TP53BP2: variants seen among roughly 807,000 people sequenced by gnomAD.
TP53BP2 encodes the protein apoptosis-stimulating of p53 protein 2.
A neutral mutation model predicts 126.2 loss-of-function variants in TP53BP2; 62 were observed. The ratio of observed to expected loss-of-function variants is 0.49; its 90% CI spans 0.40 to 0.61. The LOEUF (loss-of-function observed/expected upper bound fraction) is 0.61, where lower values mean the gene tolerates loss of function less well. TP53BP2 is among the 20% of genes least tolerant of loss of function. The pLI is 0.00. For missense variants in TP53BP2, 1,215 were observed against 1,402.8 expected (o/e 0.87, Z 2.14); for synonymous variants, 485 against 502.9 (o/e 0.96, Z 0.48).
intron 14 of TP53BP2, among the ~76,000 whole-genome samples, chr1:223,792,757 AG>A (rs1026515226): frequency 5.9e-5 from 9 of 152,154 alleles, no homozygotes; most frequent in Non-Finnish European, 1.0e-4. Flanking sequence ...TTTTAAAAAA[AG>A]GAAGTACCAG....
chr1:223,816,406 A>AT (rs1007853530), intron 2 of TP53BP2, among the ~76,000 whole-genome samples: 6 of 150,956 alleles, frequency 4.0e-5, no homozygotes, highest in South Asian at 2.1e-4. Flanking sequence ...TGGAATAAGA[A>AT]TTTTTTTTTT....
chr1:223,819,710 G>A (rs938904825), intron 2 of TP53BP2, among the ~76,000 whole-genome samples: 2 of 151,980 alleles, frequency 1.3e-5, no homozygotes, highest in African/African-American at 4.8e-5. Flanking sequence ...GAAAACTGAG[G>A]AAGCACACAA....
In TP53BP2 at chr1:223,798,426, C is replaced by T; in HGVS notation, c.1737G>A (p.Lys579=). 1 of 1,614,160 alleles carries T rather than the reference C, an allele frequency of 6.2e-7. No individual in the cohort carries two copies. Among genetic ancestry groups the T allele is most frequent in the Non-Finnish European group, 8.5e-7 (1 of 1,180,026 alleles). The change falls in exon 12 of 18, where the codon AAG becomes AAA. Residue 579 remains lysine, a synonymous_variant. Coordinates refer to ENST00000343537, the MANE Select transcript of TP53BP2 (RefSeq NM_001031685.3). ...CGGCAGCAGCAGGTGGACTTTCTTGCTTAGAACCTGGAGAAAGGGTCTGGT... is the reference window on the plus strand; with the variant it reads ...CGGCAGCAGCAGGTGGACTTTCTTGTTTAGAACCTGGAGAAAGGGTCTGGT... ...GQDQTLSPGS[K]QESPPAAAVR... is the part of the protein sequence containing the mutation.
At position 223,803,276 on chromosome 1, in the gene TP53BP2, G is replaced by C; in HGVS notation, c.826C>G (p.Leu276Val). The change falls in exon 7 of 18, where the codon CTG becomes GTG. Residue 276 changes from leucine to valine, a missense_variant. Physicochemically the swap from Leu to Val is conservative, Grantham distance 32. Transcript: ENST00000343537. The part of the protein sequence containing the change: ...VAELDRLYKE[L>V]QLRNKLNQEQ... ...GGCAAACAGCTACGGTCTACCTGCA[G>C]CTCCTTATAGAGGCGATCAAGCTCA... is the stretch of plus-strand genomic sequence containing the variant. 2.5e-6 allele frequency: 4 copies of C among 1,609,086 alleles called. No homozygotes were observed. Among genetic ancestry groups the C allele is most frequent in the Non-Finnish European group, 3.4e-6 (4 of 1,178,476 alleles).
At chr1:223,835,009 ACT>A (rs919544763) in intron 1 of TP53BP2, among the ~76,000 whole-genome samples, 3 of 151,970 alleles carry the variant, frequency 2.0e-5, no homozygotes, top group African/African-American at 2.4e-5. Context: ...TCCCCAAAAA[ACT>A]CTGTCAGATC....
Position 223,806,766 on chromosome 1 carries a change from G to C in TP53BP2, c.474+80C>G, listed in dbSNP as rs1289735807. On this transcript the variant is annotated intron_variant, in intron 5 of 17. Coordinates refer to ENST00000343537, the MANE Select transcript of TP53BP2 (RefSeq NM_001031685.3). ...TTGAACTCAGGAGGCGGAGGTTGCA[G>C]TGAGCCAAGATCGTGCCACTGCACT... The C allele has an allele frequency of 8.6e-5, 95 of 1,104,768 alleles. 1 individual carries two copies. Among genetic ancestry groups the C allele is most frequent in the Non-Finnish European group, 1.2e-4 (92 of 745,688 alleles). 68.4% of individuals were successfully genotyped at this position (1,104,768 alleles called of 1,614,324 possible).
intron 16 of TP53BP2, among the ~76,000 whole-genome samples, chr1:223,785,759 C>T (rs898024394): frequency 2.0e-5 from 3 of 152,152 alleles, no homozygotes; most frequent in African/African-American, 7.2e-5. Context: ...TTGTAGATTA[C>T]TTTTTAAAAA....
intron 2 of TP53BP2, among the ~76,000 whole-genome samples, chr1:223,818,981 C>T (rs1326466443): frequency 2.7e-5 from 4 of 150,832 alleles, no homozygotes; most frequent in African/African-American, 4.9e-5. Context: ...ATAGGGAGTT[C>T]GAGACCAGCC....
At chr1:223,804,053 G>A in intron 6 of TP53BP2, 121 bp downstream of exon 6, 1 of 1,006,036 alleles carries the variant, frequency 9.9e-7, no homozygotes, top group Non-Finnish European at 1.5e-6. Context: ...GGAGGCTGAG[G>A]TGGGAGGATC....
Position 223,802,119 on chromosome 1 carries a change from T to C in TP53BP2, c.1222A>G (p.Lys408Glu). ...NMRSGAASQTKGSKIHPVGPD... is the reference protein window; with the variant it reads ...NMRSGAASQTEGSKIHPVGPD... ...TAGGCTGTGCAGGACTTTTTACCTTTAGTTTGTGAAGCAGCCCCAGATCTC... is the reference window on the plus strand; with the variant it reads ...TAGGCTGTGCAGGACTTTTTACCTTCAGTTTGTGAAGCAGCCCCAGATCTC... Residue 408 changes from lysine (K) to glutamate (E), a missense_variant, in exon 9 of 18, where the codon AAA (lysine) becomes GAA (glutamate). Coordinates refer to ENST00000343537, the MANE Select transcript of TP53BP2 (RefSeq NM_001031685.3). 6.2e-7 allele frequency: 1 copy of C among 1,614,034 alleles called. No individual in the cohort carries two copies. The highest frequency in any genetic ancestry group is 8.5e-7 in the Non-Finnish European group (1 of 1,179,948).
intron 2 of TP53BP2, among the ~76,000 whole-genome samples, chr1:223,815,347 T>C (rs190268093): frequency 7.2e-5 from 11 of 152,292 alleles, no homozygotes; most frequent in Non-Finnish European, 8.8e-5. Context: ...TGAGTTGACA[T>C]AGATAATCCC....
At chr1:223,792,263 G>C in intron 15 of TP53BP2, 126 bp downstream of exon 15, 6 of 1,068,040 alleles carry the variant, frequency 5.6e-6, no homozygotes, top group Non-Finnish European at 8.0e-6. Flanking sequence ...CATTTCTCCA[G>C]CTAGATTACA....
intron 1 of TP53BP2, among the ~76,000 whole-genome samples, chr1:223,831,929 T>C (rs10503144): frequency 0.099 from 15,035 of 152,174 alleles, 831 homozygotes; most frequent in African/African-American, 0.15. Flanking sequence ...TTAAGAGTCC[T>C]GTGTTTATAG....
At chr1:223,803,965 A>C (rs1313853368) in intron 6 of TP53BP2, among the ~76,000 whole-genome samples, 4 of 152,176 alleles carry the variant, frequency 2.6e-5, no homozygotes, top group Non-Finnish European at 4.4e-5. Flanking sequence ...GCAGTAAATT[A>C]TATTTTTTCA....
chr1:223,831,623 A>C (rs1170461387), intron 1 of TP53BP2, among the ~76,000 whole-genome samples: 1 of 149,842 alleles, frequency 6.7e-6, no homozygotes, highest in African/African-American at 2.4e-5. Context: ...ATAATAATGT[A>C]TAATTTAAAA....
chr1:223,830,192 T>C (rs1571872766), intron 1 of TP53BP2, among the ~76,000 whole-genome samples: 1 of 152,216 alleles, frequency 6.6e-6, no homozygotes, highest in Non-Finnish European at 1.5e-5. Flanking sequence ...TTTCGGATTT[T>C]AGAATATATG....
At chr1:223,842,917 A>C (rs1342730554) in intron 1 of TP53BP2, among the ~76,000 whole-genome samples, 1 of 152,226 alleles carries the variant, frequency 6.6e-6, no homozygotes, top group Non-Finnish European at 1.5e-5. Flanking sequence ...CTCCTCGGCA[A>C]GTTGTGGAAA....
chr1:223,821,309 G>A lies in TP53BP2; in HGVS notation c.86C>T (p.Thr29Ile), dbSNP rs971406872. The change falls in exon 2 of 18, where the codon ACT becomes ATT. Residue 29 changes from threonine to isoleucine, a missense_variant. Physicochemically the swap from Thr to Ile is moderately conservative, Grantham distance 89. Coordinates refer to ENST00000343537, the MANE Select transcript of TP53BP2 (RefSeq NM_001031685.3). ...NEQHFTEVPVTPETICRDVVD... is the reference protein window; with the variant it reads ...NEQHFTEVPVIPETICRDVVD... ...CACGTCTCTGCATATTGTTTCTGGA[G>A]TAACTGGAACTTCTGTGAAGTGCTG... 6.8e-6 allele frequency: 11 copies of A among 1,613,948 alleles called. No homozygotes were observed. In the Admixed American group the frequency reaches 1.2e-4, roughly 17 times the overall value.
rs753416546 is a variant in TP53BP2, at chr1:223,802,310, G to A, written c.1031C>T (p.Ala344Val). ...TGCAGCCACACGGCTTGGGGCTGAC[G>A]CGGCTTGCTGGGGAAGATTTCCATC... ...SSDGNLPQQAASAPSRVAAVG... is the reference protein window; with the variant it reads ...SSDGNLPQQAVSAPSRVAAVG... The change falls in exon 9 of 18, where the codon GCG (alanine) becomes GTG (valine). Residue 344 changes from alanine (A) to valine (V), a missense_variant. By Grantham distance (64) the Ala-to-Val change is moderately conservative (BLOSUM62 0). Coordinates refer to ENST00000343537, the MANE Select transcript of TP53BP2 (RefSeq NM_001031685.3). The A allele has an allele frequency of 2.6e-5, 42 of 1,614,046 alleles. No homozygotes were observed. In the East Asian group the frequency reaches 7.1e-4, roughly 27 times the overall value.
Sources: gnomAD v4.1 joint callset for allele counts (sites outside exome capture counted in the v4.1 genomes callset) on GRCh38, gnomAD v4.1.1 for gene constraint, MANE v1.5 for transcripts, NCBI Gene and HGNC (gene_info 2026-07-23, HGNC 2026-07-21) for gene names.